Variants in EIF3H observed in about 807,000 individuals in gnomAD.
The protein encoded by EIF3H is eIF-3-gamma.
In EIF3H, 26 loss-of-function variants were observed where a neutral mutation model predicts 44.2. The ratio of observed to expected loss-of-function variants is 0.59; its 90% CI spans 0.43 to 0.82. EIF3H has a LOEUF of 0.82. EIF3H is among the 40% of genes least tolerant of loss of function. The probability of loss-of-function intolerance (pLI) is 0.00; values close to 1 mark genes in which losing one functional copy is unlikely to be tolerated. For synonymous variants in EIF3H, 166 were observed against 151.9 expected, an observed-to-expected ratio of 1.09 and a Z score of -0.68; for missense variants, 359 against 432.8, an observed-to-expected ratio of 0.83 and a Z score of 1.51.
At chr8:116,707,115 A>C (rs984757880) in intron 2 of EIF3H, among the ~76,000 whole-genome samples, 4 of 152,146 alleles carry the variant, frequency 2.6e-5, no homozygotes, top group Admixed American at 2.6e-4. Flanking sequence ...CCATCCTATA[A>C]ATGGAATATT....
At chr8:116,681,563 G>T (rs982887317) in intron 2 of EIF3H, among the ~76,000 whole-genome samples, 3 of 151,322 alleles carry the variant, frequency 2.0e-5, no homozygotes, top group Non-Finnish European at 4.4e-5. Context: ...CTACTAAGGA[G>T]GCTGAGGCAG....
intron 2 of EIF3H, among the ~76,000 whole-genome samples, chr8:116,672,608 CCA>C (rs978899891): frequency 6.6e-6 from 1 of 151,570 alleles, no homozygotes; most frequent in Non-Finnish European, 1.5e-5. Context: ...CCAGCCTAGT[CCA>C]CAGAGTGAAA....
Position 116,677,989 on chromosome 8 carries a change from G to A in EIF3H, c.290-19009C>T, listed in dbSNP as rs538320814. 2.0e-5 allele frequency among the ~76,000 whole-genome samples: 3 copies of A among 152,328 alleles called. No individual in the cohort carries two copies. In the East Asian group the frequency reaches 5.8e-4, roughly 29 times the overall value. ...ATATTCATGCTTTCAAGAGTTTACA[G>A]CCCTCTCCCCCTTCCCACGGTCTCC... is the stretch of plus-strand genomic sequence containing the variant. On this transcript the variant is annotated intron_variant, in intron 2 of 7. Coordinates refer to ENST00000521861, the MANE Select transcript of EIF3H (RefSeq NM_003756.3).
chr8:116,675,255 C>G (rs1030778809), intron 2 of EIF3H, among the ~76,000 whole-genome samples: 15 of 152,202 alleles, frequency 9.9e-5, no homozygotes, highest in African/African-American at 3.6e-4. Context: ...CACTGAAATT[C>G]CTATTTACAC....
At chr8:116,691,507 T>C (rs1814173337) in intron 2 of EIF3H, among the ~76,000 whole-genome samples, 1 of 151,820 alleles carries the variant, frequency 6.6e-6, no homozygotes, top group African/African-American at 2.4e-5. Flanking sequence ...TCTTCAGTCA[T>C]CTAAATTTTG....
At chr8:116,737,056 T>G (rs1319394722) in intron 1 of EIF3H, among the ~76,000 whole-genome samples, 10 of 152,242 alleles carry the variant, frequency 6.6e-5, no homozygotes, top group East Asian at 5.8e-4. Context: ...TAAAACAAAT[T>G]CAAAGAAATT....
At chr8:116,702,274 C>T (rs189837013) in intron 2 of EIF3H, among the ~76,000 whole-genome samples, 46 of 152,160 alleles carry the variant, frequency 3.0e-4, no homozygotes, top group African/African-American at 8.7e-4. Context: ...GCTGGCATAA[C>T]GGGAGAAGAA....
chr8:116,657,020 C>T (rs1813501812), intron 4 of EIF3H, among the ~76,000 whole-genome samples, 195 bp downstream of exon 4: 1 of 152,104 alleles, frequency 6.6e-6, no homozygotes, highest in African/African-American at 2.4e-5. Flanking sequence ...GTGAGAACAA[C>T]AGATGAGATA....
chr8:116,643,822 C>A lies in EIF3H; in HGVS notation c.*1184G>T, dbSNP rs1057305679. 12 of 152,198 alleles carry A rather than the reference C, an allele frequency of 7.9e-5. No homozygotes were observed. Among genetic ancestry groups the A allele is most frequent in the South Asian group, 4.1e-4 (2 of 4,832 alleles). The allele number at this position is 152,198 out of a possible 1,614,324, so 9.4% of individuals were successfully genotyped here. On this transcript the variant is annotated 3_prime_UTR_variant, in exon 8 of 8. Transcript: ENST00000521861. ...GATAACCCTCCTAGGGGATCATAAT[C>A]AAAAATTCTCATAGGCACACCCCCA...
At chr8:116,742,157 A>G (rs1213434858) in intron 1 of EIF3H, among the ~76,000 whole-genome samples, 1 of 152,198 alleles carries the variant, frequency 6.6e-6, no homozygotes, top group Admixed American at 6.5e-5. Context: ...CACTTAATCA[A>G]TATCAACCTC....
intron 1 of EIF3H, among the ~76,000 whole-genome samples, chr8:116,751,063 T>A (rs1815329882): frequency 6.6e-6 from 1 of 151,122 alleles, no homozygotes; most frequent in South Asian, 2.1e-4. Flanking sequence ...ATACAAAAAA[T>A]TAGCCGGGCG....
intron 1 of EIF3H, among the ~76,000 whole-genome samples, chr8:116,743,435 A>G (rs1202228611): frequency 6.6e-6 from 1 of 151,916 alleles, no homozygotes; most frequent in African/African-American, 2.4e-5. Context: ...TGGGCAACAG[A>G]GCAAGATCCT....
Position 116,646,547 on chromosome 8 carries a change from C to CG in EIF3H, c.884dup (p.Leu296AlafsTer3). The stretch of plus-strand genomic sequence containing the variant: ...GTTTGGACAGGTCCTCCTCAGGGAG[C>CG]GGGGGTTCTCCTCGGCTCTGGCGCT... On this transcript the variant is annotated frameshift_variant, in exon 7 of 8. Coordinates refer to ENST00000521861, the MANE Select transcript of EIF3H (RefSeq NM_003756.3). LOFTEE classifies it high-confidence loss of function. 6.2e-7 allele frequency: 1 copy of CG among 1,614,120 alleles called. No homozygotes were observed. The highest frequency in any genetic ancestry group is 8.5e-7 in the Non-Finnish European group (1 of 1,180,010).
chr8:116,648,686 AAT>A, intron 6 of EIF3H, 118 bp downstream of exon 6: 7 of 1,191,978 alleles, frequency 5.9e-6, no homozygotes, highest in Non-Finnish European at 7.7e-6. Context: ...TTAAAAATAT[AAT>A]ATAGAGTAGC....
chr8:116,718,884 T>A (rs1322251605), intron 2 of EIF3H, among the ~76,000 whole-genome samples: 3 of 151,266 alleles, frequency 2.0e-5, no homozygotes, highest in Non-Finnish European at 4.4e-5. Context: ...TGAAATAAAA[T>A]ATATATATAT....
chr8:116,701,416 T>G (rs1563646563), intron 2 of EIF3H, among the ~76,000 whole-genome samples: 1 of 152,282 alleles, frequency 6.6e-6, no homozygotes, highest in East Asian at 1.9e-4. Context: ...CCTCCAAAAA[T>G]TCTTTGATGT....
At chr8:116,733,658 T>G (rs940291226) in intron 1 of EIF3H, among the ~76,000 whole-genome samples, 47 of 152,166 alleles carry the variant, frequency 3.1e-4, no homozygotes, top group Middle Eastern at 6.8e-3. Context: ...AAAATTTTCA[T>G]GGACCCCCAA....
chr8:116,748,113 T>C (rs145969049), intron 1 of EIF3H, among the ~76,000 whole-genome samples: 3,829 of 151,244 alleles, frequency 0.025, 130 homozygotes, highest in Admixed American at 0.095. Flanking sequence ...GATCATGCCA[T>C]TGCACTCCAG....
chr8:116,725,957 C>A (rs1232479376), intron 2 of EIF3H, 59 bp downstream of exon 2: 1 of 1,549,790 alleles, frequency 6.5e-7, no homozygotes. Flanking sequence ...TATGGTGAGA[C>A]CTGTGTCAAT....
Sources: allele counts gnomAD v4.1 joint callset (sites outside exome capture counted in the v4.1 genomes callset), GRCh38; gene constraint gnomAD v4.1.1; transcripts MANE v1.5; gene names NCBI Gene and HGNC (gene_info 2026-07-23, HGNC 2026-07-21).